The following CFHR2 variants were observed in gnomAD, a reference collection of about 807,000 sequenced individuals.
The protein encoded by CFHR2 is complement factor H related 2, also known as complement factor H-related protein 2.
CFHR2 carries 22 observed loss-of-function variants against 21.7 expected under a neutral mutation model. The observed-to-expected ratio is 1.01, with a 90% confidence interval of 0.72 to 1.45. The LOEUF (loss-of-function observed/expected upper bound fraction) is 1.45. CFHR2 is among the 40% of genes most tolerant of loss of function. The pLI is 0.00. For missense variants in CFHR2, 294 were observed against 293.3 expected (o/e 1.00, Z -0.02); for synonymous variants, 98 against 97.4 (o/e 1.01, Z -0.04).
chr1:196,957,137 A>G (rs1652916805), intron 3 of CFHR2, among the ~76,000 whole-genome samples: 1 of 152,082 alleles, frequency 6.6e-6, no homozygotes, highest in African/African-American at 2.4e-5. Context: ...GCTTTTGGGT[A>G]TAGAAAGTAG....
Position 196,957,921 on chromosome 1 carries a change from C to T in CFHR2, c.461C>T (p.Pro154Leu). ...GCAGAAAAATGTGGGCCCCCTCCAC[C>T]TATTGACAATGGAGACATTACTTCA... ...ISAEKCGPPP[P>L]IDNGDITSFL... Residue 154 changes from proline to leucine, a missense_variant, in exon 4 of 5, where the codon CCT becomes CTT. Pro to Leu is a moderately conservative substitution (Grantham distance 98). Coordinates refer to ENST00000367415, the MANE Select transcript of CFHR2 (RefSeq NM_005666.4). The T allele has an allele frequency of 6.2e-7, 1 of 1,612,826 alleles. No homozygotes were observed. The highest frequency in any genetic ancestry group is 1.7e-5 in the Admixed American group (1 of 59,982).
intron 3 of CFHR2, among the ~76,000 whole-genome samples, chr1:196,955,522 T>C (rs1165967240): frequency 6.6e-6 from 1 of 152,126 alleles, no homozygotes; most frequent in Admixed American, 6.6e-5. Flanking sequence ...CACACTGCTA[T>C]AAAGAACTTC....
intron 4 of CFHR2, 129 bp downstream of exon 4, chr1:196,958,202 C>T: frequency 1.3e-6 from 1 of 790,346 alleles, no homozygotes; most frequent in South Asian, 2.9e-5. Context: ...TACCAAATGT[C>T]TATATGATAG....
At position 196,948,522 on chromosome 1, in the gene CFHR2, T is replaced by C. The variant is rs1465417340; in HGVS notation, c.59-933T>C. Among the ~76,000 whole-genome samples the C allele has an allele frequency of 2.0e-5, 3 of 152,024 alleles. No homozygotes were observed. In the East Asian group the frequency reaches 5.8e-4, roughly 29 times the overall value. On this transcript the variant is annotated intron_variant, in intron 1 of 4. Transcript: ENST00000367415. Reference sequence around the variant, plus strand: ...AACTCCTGACCTCAAGTGATCCACCTACCTCAGCCTCCCAAAGTGCTGGGA... The same window carrying C: ...AACTCCTGACCTCAAGTGATCCACCCACCTCAGCCTCCCAAAGTGCTGGGA...
rs1653032549 is a variant in CFHR2, at chr1:196,959,403, A to T, written c.*323A>T. On this transcript the variant is annotated 3_prime_UTR_variant, in exon 5 of 5. Coordinates refer to ENST00000367415, the MANE Select transcript of CFHR2 (RefSeq NM_005666.4). ...GTCAGTTAGGGTAATTAGTATATCCATTATCTCAAACATTTTTCATTTCTT... is the reference window on the plus strand; with the variant it reads ...GTCAGTTAGGGTAATTAGTATATCCTTTATCTCAAACATTTTTCATTTCTT... Among the ~76,000 whole-genome samples the T allele has an allele frequency of 6.6e-6, 1 of 151,992 alleles. No individual in the cohort carries two copies. Among genetic ancestry groups the T allele is most frequent in the Non-Finnish European group, 1.5e-5 (1 of 67,932 alleles).
At chr1:196,957,268 G>A (rs745769717) in intron 3 of CFHR2, among the ~76,000 whole-genome samples, 118 of 151,606 alleles carry the variant, frequency 7.8e-4, no homozygotes, top group Non-Finnish European at 1.5e-3. Flanking sequence ...ACACCCTGCT[G>A]TGTCATTCCT....
chr1:196,951,175 C>CTA, intron 3 of CFHR2, 147 bp downstream of exon 3: 1 of 992,882 alleles, frequency 1.0e-6, no homozygotes, highest in Non-Finnish European at 1.5e-6. Flanking sequence ...CCAATTGTGT[C>CTA]TAAGTGGATG....
Position 196,958,165 on chromosome 1 carries a change from A to G in CFHR2, c.613+92A>G, listed in dbSNP as rs9427936. ...TGTAATAGAATTTTCACAGATTAAC[A>G]AACAAGCATTCTGCTGAATGCTTGC... On this transcript the variant is annotated intron_variant, in intron 4 of 4. Coordinates refer to ENST00000367415, the MANE Select transcript of CFHR2 (RefSeq NM_005666.4). 1,784 of 1,334,710 alleles carry G rather than the reference A, an allele frequency of 1.3e-3. 22 individuals carry two copies. In the African/African-American group the frequency reaches 0.022, roughly 17 times the overall value. 82.7% of individuals were successfully genotyped at this position (1,334,710 alleles called of 1,614,324 possible). A position where few individuals can be genotyped will look rare whatever the true frequency, so the allele number is the denominator to read the frequency against.
intron 3 of CFHR2, among the ~76,000 whole-genome samples, chr1:196,953,760 A>G (rs1168238026): frequency 4.6e-5 from 7 of 152,188 alleles, no homozygotes; most frequent in African/African-American, 1.7e-4. Context: ...CTGCAATCAA[A>G]CCATTAAAGT....
intron 1 of CFHR2, 54 bp from the exon 2 acceptor site, chr1:196,949,401 G>A (rs1659638654): frequency 2.0e-6 from 3 of 1,502,430 alleles, no homozygotes; most frequent in East Asian, 4.6e-5. Context: ...ATAGTCTAGT[G>A]ATTTATTTAT....
At chr1:196,958,828 A>T (rs138133073) in intron 4 of CFHR2, 53 bp from the exon 5 acceptor site, 4 of 1,177,342 alleles carry the variant, frequency 3.4e-6, no homozygotes, top group Middle Eastern at 2.7e-4. Flanking sequence ...ACCTGAGTCT[A>T]TGAAGATTTG....
At chr1:196,948,498 A>C (rs141298285) in intron 1 of CFHR2, among the ~76,000 whole-genome samples, 2,451 of 151,894 alleles carry the variant, frequency 0.016, 27 homozygotes, top group South Asian at 0.038. Flanking sequence ...CTGGTCTCAA[A>C]CTCCTGACCT....
At chr1:196,954,643 C>A (rs568072554) in intron 3 of CFHR2, among the ~76,000 whole-genome samples, 2 of 151,622 alleles carry the variant, frequency 1.3e-5, no homozygotes, top group Non-Finnish European at 2.9e-5. Flanking sequence ...TCCATACAAC[C>A]TCAGAAATCC....
Position 196,957,994 on chromosome 1 carries a change from C to G in CFHR2, c.534C>G (p.Cys178Trp). Residue 178 changes from cysteine (C) to tryptophan (W), a missense_variant, in exon 4 of 5, where the codon TGC (cysteine) becomes TGG (tryptophan). By Grantham distance (215) the Cys-to-Trp change is radical (BLOSUM62 -2). Transcript: ENST00000367415. ...YAPGSSVEYQ[C>W]QNLYQLEGNN... ...CAGGTTCATCAGTTGAGTACCAGTG[C>G]CAGAACTTGTATCAACTTGAGGGTA... 6.2e-7 allele frequency: 1 copy of G among 1,613,594 alleles called. No homozygotes were observed. Among genetic ancestry groups the G allele is most frequent in the Non-Finnish European group, 8.5e-7 (1 of 1,179,716 alleles).
Position 196,958,055 on chromosome 1 carries a change from G to C in CFHR2, c.595G>C (p.Glu199Gln), listed in dbSNP as rs41257904. Residue 199 changes from glutamate to glutamine, a missense_variant, in exon 4 of 5, where the codon GAA (glutamate) becomes CAA (glutamine). By Grantham distance (29) the Glu-to-Gln change is conservative. Transcript: ENST00000367415. The stretch of plus-strand genomic sequence containing the variant: ...AACATGTAGAAACGGACAATGGTCA[G>C]AACCACCAAAATGCTTAGGTAAGTA... ...QITCRNGQWSEPPKCLDPCVI... is the reference protein window; with the variant it reads ...QITCRNGQWSQPPKCLDPCVI... The C allele has an allele frequency of 1.9e-6, 3 of 1,613,318 alleles. No homozygotes were observed. In the African/African-American group the frequency reaches 4.0e-5, roughly 22 times the overall value.
At chr1:196,953,933 C>A (rs868419102) in intron 3 of CFHR2, among the ~76,000 whole-genome samples, 2 of 151,968 alleles carry the variant, frequency 1.3e-5, no homozygotes, top group Non-Finnish European at 2.9e-5. Flanking sequence ...ATGAACTAAC[C>A]ATTAATGAAA....
At position 196,959,299 on chromosome 1, in the gene CFHR2, T is replaced by C; in HGVS notation, c.*219T>C. On this transcript the variant is annotated 3_prime_UTR_variant, in exon 5 of 5. Transcript: ENST00000367415. ...AACAACCTAGGAATTGTCTTTTTTT[T>C]TCTTTTTAAAAAAATTGACAATAAC... 2 of 448,870 alleles carry C rather than the reference T, an allele frequency of 4.5e-6. No homozygotes were observed. Among genetic ancestry groups the C allele is most frequent in the Non-Finnish European group, 7.9e-6 (2 of 253,890 alleles). 27.8% of individuals were successfully genotyped at this position (448,870 alleles called of 1,614,324 possible). A position where few individuals can be genotyped will look rare whatever the true frequency, so the allele number is the denominator to read the frequency against.
At chr1:196,954,087 A>C (rs1362691953) in intron 3 of CFHR2, among the ~76,000 whole-genome samples, 1 of 152,210 alleles carries the variant, frequency 6.6e-6, no homozygotes, top group African/African-American at 2.4e-5. Context: ...AACCTAGAAG[A>C]TGGGTTTTTT....
At position 196,949,569 on chromosome 1, in the gene CFHR2, A is replaced by G. The variant is rs1441114326; in HGVS notation, c.173A>G (p.Asn58Ser). The change falls in exon 2 of 5, where the codon AAT becomes AGT. Residue 58 changes from asparagine to serine, a missense_variant. By Grantham distance (46) the Asn-to-Ser change is conservative (BLOSUM62 1). Coordinates refer to ENST00000367415, the MANE Select transcript of CFHR2 (RefSeq NM_005666.4). ...GTTTTCTATTACTCCTGTGAATATAATTTTGTGTCTCCTTCAAAATCCTTT... is the reference window on the plus strand; with the variant it reads ...GTTTTCTATTACTCCTGTGAATATAGTTTTGTGTCTCCTTCAAAATCCTTT... ...GEVFYYSCEYNFVSPSKSFWT... is the reference protein window; with the variant it reads ...GEVFYYSCEYSFVSPSKSFWT... 1.2e-6 allele frequency: 2 copies of G among 1,614,032 alleles called. No homozygotes were observed. Among genetic ancestry groups the G allele is most frequent in the East Asian group, 4.5e-5 (2 of 44,872 alleles).
Sources: allele counts gnomAD v4.1 joint callset (sites outside exome capture counted in the v4.1 genomes callset), GRCh38; gene constraint gnomAD v4.1.1; transcripts MANE v1.5; gene names NCBI Gene and HGNC (gene_info 2026-07-23, HGNC 2026-07-21).